Variants in OPN4 observed in about 807,000 individuals in gnomAD.
The protein encoded by OPN4 is melanopsin.
Under a neutral mutation model 49.5 loss-of-function variants are expected in OPN4, and 43 were observed. The observed-to-expected ratio is 0.87, with a 90% CI of 0.68 to 1.12. The LOEUF is 1.12. OPN4 is among the 50% of genes most tolerant of loss of function. The pLI, the probability that OPN4 is intolerant of heterozygous loss-of-function variation, is 0.00. For missense variants in OPN4, 657 were observed against 643.9 expected, an observed-to-expected ratio of 1.02 and a Z score of -0.22; for synonymous variants, 263 against 258.0, an observed-to-expected ratio of 1.02 and a Z score of -0.19.
chr10:86,664,155 TG>T (rs1225846804), intron 9 of OPN4, among the ~76,000 whole-genome samples: 1 of 152,210 alleles, frequency 6.6e-6, no homozygotes, highest in African/African-American at 2.4e-5. Flanking sequence ...AGCATGTGTG[TG>T]GCCATGTGCC....
Position 86,659,363 on chromosome 10 carries a change from T to C in OPN4, c.695T>C (p.Val232Ala), listed in dbSNP as rs543378130. Residue 232 changes from valine to alanine, a missense_variant, in exon 5 of 10, where the codon GTG becomes GCG. Coordinates refer to ENST00000241891, the MANE Select transcript of OPN4 (RefSeq NM_033282.4). ...GACTACATGAGCTTCACGCCGGCCGTGCGTGCCTACACCATGCTTCTCTGC... is the reference window on the plus strand; with the variant it reads ...GACTACATGAGCTTCACGCCGGCCGCGCGTGCCTACACCATGCTTCTCTGC... ...SWDYMSFTPA[V>A]RAYTMLLCCF... 6.2e-7 allele frequency: 1 copy of C among 1,613,992 alleles called. No individual in the cohort carries two copies. The highest frequency in any genetic ancestry group is 1.1e-5 in the South Asian group (1 of 91,088).
chr10:86,654,661 G>A lies in OPN4; in HGVS notation c.-123G>A, dbSNP rs532500049. ...TGCGCCGGACACAGGAGAAAGCAGC[G>A]GGTAGGCTAAGCAGGGGTGCTGAGG... On this transcript the variant is annotated 5_prime_UTR_variant, in exon 1 of 10. Transcript: ENST00000241891. 6.2e-5 allele frequency: 84 copies of A among 1,362,898 alleles called. No homozygotes were observed. In the African/African-American group the frequency reaches 7.5e-4, roughly 12 times the overall value. 84.4% of individuals were successfully genotyped at this position (1,362,898 alleles called of 1,614,324 possible).
chr10:86,659,795 C>G lies in OPN4; in HGVS notation c.801-100C>G. On this transcript the variant is annotated intron_variant, in intron 5 of 9. Transcript: ENST00000241891. ...GAAGGAATGACACTCTCACGAGTGCCCTGCAAGGATAGTCCAGAGAGGCTC... is the reference window on the plus strand; with the variant it reads ...GAAGGAATGACACTCTCACGAGTGCGCTGCAAGGATAGTCCAGAGAGGCTC... 3 of 1,272,424 alleles carry G rather than the reference C, an allele frequency of 2.4e-6. No homozygotes were observed. The Admixed American group carries it at 5.8e-5, about 25-fold the overall frequency. 78.8% of individuals were successfully genotyped at this position (1,272,424 alleles called of 1,614,324 possible). A position where few individuals can be genotyped will look rare whatever the true frequency, so the allele number is the denominator to read the frequency against.
intron 9 of OPN4, among the ~76,000 whole-genome samples, chr10:86,664,733 C>A (rs1256536279): frequency 1.3e-5 from 2 of 152,214 alleles, no homozygotes; most frequent in African/African-American, 4.8e-5. Context: ...GCCTCAGCCT[C>A]CCTCAGCATT....
At chr10:86,656,523 T>C (rs1371576741) in intron 2 of OPN4, among the ~76,000 whole-genome samples, 1 of 152,188 alleles carries the variant, frequency 6.6e-6, no homozygotes, top group Non-Finnish European at 1.5e-5. Context: ...CTGGCACTAA[T>C]TGAGACCCAG....
At position 86,659,911 on chromosome 10, in the gene OPN4, G is replaced by A. The variant is rs747284190; in HGVS notation, c.817G>A (p.Gly273Arg). The A allele has an allele frequency of 8.1e-6, 13 of 1,614,074 alleles. No individual in the cohort carries two copies. The highest frequency in any genetic ancestry group is 6.7e-5 in the East Asian group (3 of 44,792). ...CCTTCCTAGGGCTCTCCAGACCTTC[G>A]GGGCCTGCAAGGGCAATGGCGAGTC... ...RETGRALQTFGACKGNGESLW... is the reference protein window; with the variant it reads ...RETGRALQTFRACKGNGESLW... Residue 273 changes from glycine (G) to arginine (R), a missense_variant, in exon 6 of 10, where the codon GGG (glycine) becomes AGG (arginine). Gly to Arg is a moderately radical substitution (Grantham distance 125). Coordinates refer to ENST00000241891, the MANE Select transcript of OPN4 (RefSeq NM_033282.4).
At chr10:86,662,895 T>C (rs556768471) in intron 8 of OPN4, among the ~76,000 whole-genome samples, 48 of 152,368 alleles carry the variant, frequency 3.2e-4, no homozygotes, top group African/African-American at 1.1e-3. Context: ...AGATGGGAGA[T>C]GTGGCTTTGA....
Position 86,663,794 on chromosome 10 carries a change from C to A in OPN4, c.1390C>A (p.Pro464Thr). Reference sequence around the variant, plus strand: ...ACCCCAGGGACACGAAGCAGAGACTCCAGGGAAGGTGACTGGGCCCGGTAC... The same window carrying A: ...ACCCCAGGGACACGAAGCAGAGACTACAGGGAAGGTGACTGGGCCCGGTAC... ...PRPQGHEAET[P>T]GKTKGLIPSQ... Residue 464 changes from proline (P) to threonine (T), a missense_variant, in exon 9 of 10, where the codon CCA becomes ACA. Transcript: ENST00000241891. The A allele has an allele frequency of 6.4e-7, 1 of 1,552,784 alleles. No homozygotes were observed. The highest frequency in any genetic ancestry group is 1.2e-5 in the South Asian group (1 of 84,132).
intron 7 of OPN4, among the ~76,000 whole-genome samples, chr10:86,661,906 G>A (rs772580648): frequency 1.5e-4 from 23 of 152,114 alleles, no homozygotes; most frequent in African/African-American, 3.4e-4. Context: ...GCCTGAGCCC[G>A]TCCAGCACAG....
chr10:86,662,536 C>A, intron 8 of OPN4, 104 bp downstream of exon 8: 1 of 1,122,140 alleles, frequency 8.9e-7, no homozygotes. Context: ...GCCTCTGAGA[C>A]TCAGGGACAC....
rs769883734 is a variant in OPN4 at position 86,665,738 on chromosome 10, A to T, written c.1424A>T (p.Asp475Val). 1 of 1,613,530 alleles carries T rather than the reference A, an allele frequency of 6.2e-7. No individual in the cohort carries two copies. Among genetic ancestry groups the T allele is most frequent in the East Asian group, 2.2e-5 (1 of 44,866 alleles). Residue 475 changes from aspartate to valine, a missense_variant, in exon 10 of 10, where the codon GAC (aspartate) becomes GTC (valine). By Grantham distance (152) the Asp-to-Val change is radical. Transcript: ENST00000241891. Reference sequence around the variant, plus strand: ...ACCAAGGGGCTGATCCCCAGCCAGGACCCCAGGATGTAGGACGCCCACTGG... The same window carrying T: ...ACCAAGGGGCTGATCCCCAGCCAGGTCCCCAGGATGTAGGACGCCCACTGG... ...GKTKGLIPSQ[D>V]PRM
chr10:86,665,652 C>T (rs1844147194), intron 9 of OPN4, 61 bp from the exon 10 acceptor site: 7 of 1,443,600 alleles, frequency 4.8e-6, no homozygotes, highest in Non-Finnish European at 5.8e-6. Flanking sequence ...GGAGGGTCAT[C>T]GGGAGACTGC....
At chr10:86,661,899 TG>T (rs1186521819) in intron 7 of OPN4, among the ~76,000 whole-genome samples, 1 of 152,162 alleles carries the variant, frequency 6.6e-6, no homozygotes, top group Non-Finnish European at 1.5e-5. Context: ...GTGGCAGGCC[TG>T]AGCCCGTCCA....
At chr10:86,661,088 C>T (rs948028212) in intron 6 of OPN4, among the ~76,000 whole-genome samples, 193 bp from the exon 7 acceptor site, 12 of 151,892 alleles carry the variant, frequency 7.9e-5, no homozygotes, top group South Asian at 2.1e-4. Context: ...GATCACACCA[C>T]TGCCACTCCA....
intron 9 of OPN4, among the ~76,000 whole-genome samples, chr10:86,665,197 G>A (rs1405075714): frequency 6.6e-6 from 1 of 152,150 alleles, no homozygotes; most frequent in African/African-American, 2.4e-5. Flanking sequence ...GGCAGTGGGG[G>A]ACATAGGAGA....
At position 86,665,901 on chromosome 10, in the gene OPN4, A is replaced by G. The variant is rs1844162298; in HGVS notation, c.*150A>G. Reference sequence around the variant, plus strand: ...GCACGGGATTCACAGCCCCAGCCCCATGGCCCCTCTCCACACCTCAAAACT... The same window carrying G: ...GCACGGGATTCACAGCCCCAGCCCCGTGGCCCCTCTCCACACCTCAAAACT... On this transcript the variant is annotated 3_prime_UTR_variant, in exon 10 of 10. Coordinates refer to ENST00000241891, the MANE Select transcript of OPN4 (RefSeq NM_033282.4). 4.6e-6 allele frequency: 3 copies of G among 648,360 alleles called. No homozygotes were observed. The highest frequency in any genetic ancestry group is 2.7e-5 in the Admixed American group (1 of 37,296). The allele number at this position is 648,360 out of a possible 1,614,324, so 40.2% of individuals were successfully genotyped here.
intron 1 of OPN4, 100 bp downstream of exon 1, chr10:86,655,027 G>T: frequency 7.8e-7 from 1 of 1,277,240 alleles, no homozygotes; most frequent in Non-Finnish European, 1.1e-6. Flanking sequence ...GATAGAAAAG[G>T]TCTGAACTCT....
At chr10:86,663,963 G>A (rs1159380785) in intron 9 of OPN4, 161 bp downstream of exon 9, 9 of 842,726 alleles carry the variant, frequency 1.1e-5, no homozygotes, top group Non-Finnish European at 1.6e-5. Flanking sequence ...TGTCTGCCTG[G>A]GGTTCTCTGT....
At position 86,665,734 on chromosome 10, in the gene OPN4, C is replaced by T; in HGVS notation, c.1420C>T (p.Gln474Ter). The T allele has an allele frequency of 6.2e-7, 1 of 1,613,650 alleles. No homozygotes were observed. The highest frequency in any genetic ancestry group is 8.5e-7 in the Non-Finnish European group (1 of 1,179,670). ...GCAGACCAAGGGGCTGATCCCCAGC[C>T]AGGACCCCAGGATGTAGGACGCCCA... Reference protein sequence around the residue: ...PGKTKGLIPSQDPRM With the variant: ...PGKTKGLIPS Residue 474 changes from glutamine (Q) to a stop codon, truncating the protein, a stop_gained, in exon 10 of 10, where the codon CAG becomes TAG. Coordinates refer to ENST00000241891, the MANE Select transcript of OPN4 (RefSeq NM_033282.4). LOFTEE classifies it high-confidence loss of function.
Sources: allele counts gnomAD v4.1 joint callset (sites outside exome capture counted in the v4.1 genomes callset), GRCh38; gene constraint gnomAD v4.1.1; transcripts MANE v1.5; gene names NCBI Gene and HGNC (gene_info 2026-07-23, HGNC 2026-07-21).